The following PRKD1 variants were observed in gnomAD, a reference collection of about 807,000 sequenced individuals.
PRKD1 encodes the protein serine/threonine-protein kinase D1.
Under a neutral mutation model 95.9 loss-of-function variants are expected in PRKD1, and 63 were observed. The ratio of observed to expected loss-of-function variants is 0.66; its 90% CI spans 0.54 to 0.81. The LOEUF (loss-of-function observed/expected upper bound fraction) is 0.81, where lower values mean the gene tolerates loss of function less well. PRKD1 is among the 30% of genes least tolerant of loss of function. The pLI is 0.00. For missense variants in PRKD1, 1,048 were observed against 1,165.3 expected (o/e 0.90, Z 1.47); for synonymous variants, 425 against 423.1 (o/e 1.00, Z -0.05).
At chr14:29,684,074 AG>A (rs1216195859) in intron 2 of PRKD1, among the ~76,000 whole-genome samples, 7 of 151,984 alleles carry the variant, frequency 4.6e-5, no homozygotes, top group South Asian at 2.1e-4. Context: ...CAGCCCTGAG[AG>A]TCTAGTTCAA....
chr14:29,636,281 T>C lies in PRKD1; in HGVS notation c.1190+9A>G. Reference sequence around the variant, plus strand: ...CCCTGTTGGCTGAGGCTGGGAGTGCTGCTCTCACCTGATGGTTCTGTTGGC... The same window carrying C: ...CCCTGTTGGCTGAGGCTGGGAGTGCCGCTCTCACCTGATGGTTCTGTTGGC... On this transcript the variant is annotated intron_variant, in intron 7 of 17. Transcript: ENST00000331968. The C allele has an allele frequency of 6.2e-7, 1 of 1,614,240 alleles. No homozygotes were observed. Among genetic ancestry groups the C allele is most frequent in the Non-Finnish European group, 8.5e-7 (1 of 1,180,026 alleles).
intron 2 of PRKD1, among the ~76,000 whole-genome samples, chr14:29,692,359 C>A (rs1247726676): frequency 6.6e-6 from 1 of 152,036 alleles, no homozygotes; most frequent in Non-Finnish European, 1.5e-5. Context: ...AAATTAAATG[C>A]CCCAGCACTT....
At position 29,861,294 on chromosome 14, in the gene PRKD1, C is replaced by T. The variant is rs889471808; in HGVS notation, c.264+65955G>A. ...GGTTTTAGCTTGGTAATCTCAAATA[C>T]CAGATGCCCTGACTTGTACAAACTA... On this transcript the variant is annotated intron_variant, in intron 1 of 17. Coordinates refer to ENST00000331968, the MANE Select transcript of PRKD1 (RefSeq NM_002742.3). Among the ~76,000 whole-genome samples the T allele has an allele frequency of 5.3e-5, 8 of 152,260 alleles. No homozygotes were observed. In the East Asian group the frequency reaches 5.8e-4, roughly 11 times the overall value.
At chr14:29,677,922 G>A (rs573297674) in intron 2 of PRKD1, among the ~76,000 whole-genome samples, 16 of 152,278 alleles carry the variant, frequency 1.1e-4, no homozygotes, top group African/African-American at 3.6e-4. Context: ...AGTTAAATAT[G>A]ATGCTGTTGA....
At chr14:29,769,094 C>A (rs998385568) in intron 1 of PRKD1, among the ~76,000 whole-genome samples, 1 of 152,118 alleles carries the variant, frequency 6.6e-6, no homozygotes, top group Admixed American at 6.5e-5. Flanking sequence ...ACGACAGAGG[C>A]ATCAAGAGAT....
chr14:29,841,054 C>A (rs1229627937), intron 1 of PRKD1, among the ~76,000 whole-genome samples: 1 of 152,224 alleles, frequency 6.6e-6, no homozygotes, highest in African/African-American at 2.4e-5. Flanking sequence ...GGATTCTGGA[C>A]TTGCATGGGG....
intron 1 of PRKD1, among the ~76,000 whole-genome samples, chr14:29,760,420 A>G (rs1220163825): frequency 7.1e-6 from 1 of 140,734 alleles, no homozygotes; most frequent in Non-Finnish European, 1.5e-5. Context: ...CAGTGGCACG[A>G]TCTGGGCTCA....
chr14:29,602,736 G>A (rs960101044), intron 13 of PRKD1, among the ~76,000 whole-genome samples: 7 of 152,054 alleles, frequency 4.6e-5, no homozygotes, highest in Admixed American at 1.3e-4. Context: ...GCCAGTACAT[G>A]AGTTCTTAGA....
At chr14:29,680,896 G>A (rs956436869) in intron 2 of PRKD1, among the ~76,000 whole-genome samples, 2 of 152,166 alleles carry the variant, frequency 1.3e-5, no homozygotes, top group African/African-American at 4.8e-5. Context: ...AAAACACGCG[G>A]AGGAGGAGAA....
intron 1 of PRKD1, among the ~76,000 whole-genome samples, chr14:29,782,315 G>C (rs1889082376): frequency 6.6e-6 from 1 of 152,054 alleles, no homozygotes; most frequent in Non-Finnish European, 1.5e-5. Flanking sequence ...GCAATTTGCT[G>C]TATCTTGAAG....
chr14:29,804,253 T>C (rs963715619), intron 1 of PRKD1, among the ~76,000 whole-genome samples: 2 of 144,010 alleles, frequency 1.4e-5, no homozygotes, highest in African/African-American at 2.6e-5. Context: ...AAAAAAAAAA[T>C]GTATGCAAAA....
intron 1 of PRKD1, among the ~76,000 whole-genome samples, chr14:29,809,682 T>C (rs1311836342): frequency 6.6e-6 from 1 of 152,234 alleles, no homozygotes; most frequent in Non-Finnish European, 1.5e-5. Context: ...GTTAGGACCT[T>C]ACTCTGGATT....
rs897660451 is a variant in PRKD1 at position 29,624,268 on chromosome 14, G to A, written c.1799-10C>T. 1.9e-6 allele frequency: 3 copies of A among 1,569,230 alleles called. No individual in the cohort carries two copies. The highest frequency in any genetic ancestry group is 2.7e-5 in the African/African-American group (2 of 73,040). On this transcript the variant is annotated splice_polypyrimidine_tract_variant and intron_variant, in intron 12 of 17. Coordinates refer to ENST00000331968, the MANE Select transcript of PRKD1 (RefSeq NM_002742.3). ...GTTTTACGATGTTTTCCTTTAAAAT[G>A]AAAAAGGGAAGCATTAGTAAGTTAT... is the stretch of plus-strand genomic sequence containing the variant.
intron 3 of PRKD1, among the ~76,000 whole-genome samples, chr14:29,664,603 T>C (rs1035981351): frequency 6.6e-6 from 1 of 152,212 alleles, no homozygotes; most frequent in Admixed American, 6.5e-5. Flanking sequence ...CTAGCTTCCC[T>C]CTTCACAGAC....
intron 13 of PRKD1, among the ~76,000 whole-genome samples, chr14:29,610,169 G>C (rs554250413): frequency 6.6e-6 from 1 of 151,664 alleles, no homozygotes; most frequent in African/African-American, 2.4e-5. Context: ...GCATCCTTCA[G>C]AAAAGATGAA....
chr14:29,690,050 G>A (rs1884138098), intron 2 of PRKD1, among the ~76,000 whole-genome samples: 1 of 152,152 alleles, frequency 6.6e-6, no homozygotes, highest in Admixed American at 6.5e-5. Flanking sequence ...GATCTATACA[G>A]CAAATCACCA....
At chr14:29,926,624 C>T (rs1895306214) in intron 1 of PRKD1, among the ~76,000 whole-genome samples, 1 of 152,262 alleles carries the variant, frequency 6.6e-6, no homozygotes, top group South Asian at 2.1e-4. Context: ...CTATCAGCAT[C>T]CCGGGAATGA....
intron 1 of PRKD1, among the ~76,000 whole-genome samples, chr14:29,831,407 C>CCAG (rs1891405448): frequency 6.6e-6 from 1 of 151,556 alleles, no homozygotes; most frequent in Admixed American, 6.6e-5. Flanking sequence ...AGATCTAAAG[C>CCAG]CAGTTCTCTC....
chr14:29,601,127 G>A (rs1474344712), intron 13 of PRKD1, among the ~76,000 whole-genome samples: 1 of 152,056 alleles, frequency 6.6e-6, no homozygotes, highest in African/African-American at 2.4e-5. Context: ...ACCTCAAATG[G>A]CTCACTGCTC....
Sources: gnomAD v4.1 joint callset for allele counts (sites outside exome capture counted in the v4.1 genomes callset) on GRCh38, gnomAD v4.1.1 for gene constraint, MANE v1.5 for transcripts, NCBI Gene and HGNC (gene_info 2026-07-23, HGNC 2026-07-21) for gene names.